MYLK: variants seen among roughly 807,000 people sequenced by gnomAD.
MYLK encodes myosin light chain kinase, smooth muscle.
A neutral mutation model predicts 203.4 loss-of-function variants in MYLK; 106 were observed. The ratio of observed to expected loss-of-function variants is 0.52; its 90% CI spans 0.45 to 0.61. MYLK has a LOEUF of 0.61. Ranked by LOEUF, MYLK falls within the 20% of genes least tolerant of loss-of-function variation. MYLK has a pLI of 0.00. For missense variants in MYLK, 2,072 were observed against 2,442.3 expected, an observed-to-expected ratio of 0.85 and a Z score of 3.20; for synonymous variants, 867 against 959.5, an observed-to-expected ratio of 0.90 and a Z score of 1.78.
chr3:123,653,443 C>A (rs1312250298), intron 24 of MYLK, among the ~76,000 whole-genome samples: 1 of 152,212 alleles, frequency 6.6e-6, no homozygotes, highest in Non-Finnish European at 1.5e-5. Context: ...TCCTCCTCCC[C>A]CTTGGTAATC....
In MYLK at chr3:123,692,773, G is replaced by A. The variant is rs369094329; in HGVS notation, c.3527C>T (p.Ala1176Val). 3.1e-6 allele frequency: 5 copies of A among 1,613,942 alleles called. No individual in the cohort carries two copies. In the African/African-American group the frequency reaches 4.0e-5, roughly 13 times the overall value. ...GLYKCVAKND[A>V]GQAECSCQVT... The stretch of plus-strand genomic sequence containing the variant: ...TTGGCAGGAGCACTCCGCCTGGCCA[G>A]CGTCATTCTTGGCTACACACTTGTA... Residue 1176 changes from alanine to valine, a missense_variant, in exon 19 of 34, where the codon GCT (alanine) becomes GTT (valine). Coordinates refer to ENST00000360304, the MANE Select transcript of MYLK (RefSeq NM_053025.4).
chr3:123,638,255 C>CA, intron 28 of MYLK, 61 bp from the exon 29 acceptor site: 1 of 1,610,244 alleles, frequency 6.2e-7, no homozygotes, highest in East Asian at 2.2e-5. Context: ...TTGAGACCAG[C>CA]AGCTGCCCGA....
chr3:123,708,024 G>C, intron 15 of MYLK, 21 bp from the exon 16 acceptor site: 1 of 1,613,738 alleles, frequency 6.2e-7, no homozygotes, highest in Non-Finnish European at 8.5e-7. Context: ...GCAAAGGGCA[G>C]AGCTAAACAG....
At chr3:123,660,998 G>A (rs1323096972) in intron 23 of MYLK, among the ~76,000 whole-genome samples, 1 of 152,164 alleles carries the variant, frequency 6.6e-6, no homozygotes, top group African/African-American at 2.4e-5. Context: ...TCTATTCTTA[G>A]TTCTTTGAGG....
intron 24 of MYLK, among the ~76,000 whole-genome samples, chr3:123,650,745 G>A (rs997625354): frequency 6.6e-6 from 1 of 152,186 alleles, no homozygotes; most frequent in Non-Finnish European, 1.5e-5. Flanking sequence ...GGAGAGTTAA[G>A]AGTGGCATTG....
intron 4 of MYLK, among the ~76,000 whole-genome samples, chr3:123,769,077 T>C (rs1337477227): frequency 6.6e-6 from 1 of 152,190 alleles, no homozygotes; most frequent in Admixed American, 6.5e-5. Context: ...CTACTTAAAA[T>C]CAGGCCTGTC....
intron 2 of MYLK, among the ~76,000 whole-genome samples, chr3:123,857,439 C>A (rs529688064): frequency 0.019 from 2,875 of 151,942 alleles, 81 homozygotes; most frequent in African/African-American, 0.065. Context: ...AAATGTGGCA[C>A]ATATACACCA....
chr3:123,769,383 T>C (rs2063803633), intron 4 of MYLK, among the ~76,000 whole-genome samples: 1 of 152,212 alleles, frequency 6.6e-6, no homozygotes, highest in Admixed American at 6.5e-5. Context: ...ACGGGTTATG[T>C]TTCTATTCAT....
intron 2 of MYLK, among the ~76,000 whole-genome samples, chr3:123,861,914 A>G (rs982144518): frequency 1.3e-5 from 2 of 152,236 alleles, no homozygotes; most frequent in African/African-American, 2.4e-5. Flanking sequence ...TCTGGGCAAC[A>G]ATACACTTGA....
At position 123,706,068 on chromosome 3, in the gene MYLK, T is replaced by C. The variant is rs528258299; in HGVS notation, c.2390+1686A>G. 2.6e-5 allele frequency among the ~76,000 whole-genome samples: 4 copies of C among 152,224 alleles called. No individual in the cohort carries two copies. The East Asian group carries it at 7.7e-4, about 29-fold the overall frequency. On this transcript the variant is annotated intron_variant, in intron 16 of 33. Coordinates refer to ENST00000360304, the MANE Select transcript of MYLK (RefSeq NM_053025.4). ...TGATGCATTCTGAGTGTACCGCTAATAATAGTAGGGGGACCAGCAGCTCAC... is the reference window on the plus strand; with the variant it reads ...TGATGCATTCTGAGTGTACCGCTAACAATAGTAGGGGGACCAGCAGCTCAC...
At chr3:123,875,965 A>G (rs1399582938) in intron 2 of MYLK, among the ~76,000 whole-genome samples, 1 of 152,188 alleles carries the variant, frequency 6.6e-6, no homozygotes, top group Admixed American at 6.5e-5. Flanking sequence ...AAAAGCTAGA[A>G]CTCAAAATTT....
intron 18 of MYLK, among the ~76,000 whole-genome samples, chr3:123,696,808 C>G (rs1378596393): frequency 6.6e-6 from 1 of 152,216 alleles, no homozygotes; most frequent in Admixed American, 6.5e-5. Context: ...GCTTCATGTA[C>G]AGTGTTCTTC....
chr3:123,814,162 T>G, intron 3 of MYLK: 1 of 353,504 alleles, frequency 2.8e-6, no homozygotes, highest in Non-Finnish European at 5.7e-6. Context: ...TCATGGGCCC[T>G]GTTCCTGTGT....
At chr3:123,719,057 G>C (rs2332594) in intron 13 of MYLK, among the ~76,000 whole-genome samples, 2 of 152,218 alleles carry the variant, frequency 1.3e-5, no homozygotes, top group Non-Finnish European at 2.9e-5. Flanking sequence ...GAGAGTCACT[G>C]AGGAGGGAAG....
intron 4 of MYLK, among the ~76,000 whole-genome samples, chr3:123,773,542 G>A (rs184142317): frequency 6.6e-6 from 1 of 152,330 alleles, no homozygotes; most frequent in East Asian, 1.9e-4. Flanking sequence ...ATAAGGGAGT[G>A]GCATGCCATA....
chr3:123,739,523 G>T (rs1281555067), intron 6 of MYLK, among the ~76,000 whole-genome samples: 1 of 152,266 alleles, frequency 6.6e-6, no homozygotes, highest in Non-Finnish European at 1.5e-5. Flanking sequence ...GCTCCTGGAA[G>T]ATAATGTGGA....
intron 2 of MYLK, among the ~76,000 whole-genome samples, chr3:123,841,197 A>G (rs1461603346): frequency 6.6e-6 from 1 of 152,132 alleles, no homozygotes; most frequent in African/African-American, 2.4e-5. Flanking sequence ...GGTCCTGGAC[A>G]ACTATCTGTG....
intron 20 of MYLK, among the ~76,000 whole-genome samples, chr3:123,678,538 G>C (rs1189205435): frequency 6.6e-6 from 1 of 151,756 alleles, no homozygotes; most frequent in African/African-American, 2.4e-5. Context: ...GTGCAGAAGA[G>C]GGAACTGGTC....
Position 123,700,180 on chromosome 3 carries a change from TG to T in MYLK, c.3287del (p.Thr1096LysfsTer38), listed in dbSNP as rs1295191934. ...DNEKRSESQG[T>X]APAFKQKLQD... ...GCAGCTTCTGCTTGAAGGCTGGGGC[TG>T]TCCCCTGGCTCTCTGATCTCTTTTC... On this transcript the variant is annotated frameshift_variant, in exon 18 of 34. Transcript: ENST00000360304. LOFTEE classifies it high-confidence loss of function. 6.2e-7 allele frequency: 1 copy of T among 1,613,900 alleles called. No individual in the cohort carries two copies. The highest frequency in any genetic ancestry group is 8.5e-7 in the Non-Finnish European group (1 of 1,180,012).
Sources: gnomAD v4.1 joint callset for allele counts (sites outside exome capture counted in the v4.1 genomes callset) on GRCh38, gnomAD v4.1.1 for gene constraint, MANE v1.5 for transcripts, NCBI Gene and HGNC (gene_info 2026-07-23, HGNC 2026-07-21) for gene names.